Variants in TMTC1 observed in about 807,000 individuals in gnomAD.
TMTC1 encodes the protein transmembrane O-mannosyltransferase targeting cadherins 1, also known as protein O-mannosyl-transferase TMTC1.
TMTC1 carries 73 observed loss-of-function variants against 104.8 expected under a neutral mutation model. The ratio of observed to expected loss-of-function variants is 0.70; its 90% CI spans 0.58 to 0.85. The LOEUF (loss-of-function observed/expected upper bound fraction) is 0.85. TMTC1 is among the 40% of genes least tolerant of loss of function. TMTC1 has a pLI of 0.00. For missense variants in TMTC1, 1,035 were observed against 1,096.1 expected (o/e 0.94, Z 0.79); for synonymous variants, 434 against 428.7 (o/e 1.01, Z -0.15).
chr12:29,709,032 CAA>C (rs535053762), intron 5 of TMTC1, among the ~76,000 whole-genome samples: 15 of 152,226 alleles, frequency 9.9e-5, no homozygotes, highest in Non-Finnish European at 1.9e-4. Flanking sequence ...GGATATTGAA[CAA>C]GAGTCAAATG....
chr12:29,544,304 C>T (rs1944883709), intron 10 of TMTC1, among the ~76,000 whole-genome samples: 1 of 151,800 alleles, frequency 6.6e-6, no homozygotes, highest in Non-Finnish European at 1.5e-5. Context: ...GCAAAAGTGG[C>T]ACTGGCCTAA....
At chr12:29,592,685 G>C (rs1412421657) in intron 7 of TMTC1, among the ~76,000 whole-genome samples, 1 of 152,148 alleles carries the variant, frequency 6.6e-6, no homozygotes, top group Non-Finnish European at 1.5e-5. Context: ...CCCTGACACT[G>C]TTGTTTGATC....
intron 8 of TMTC1, among the ~76,000 whole-genome samples, chr12:29,581,157 C>G (rs1945968726): frequency 6.6e-6 from 1 of 152,114 alleles, no homozygotes; most frequent in South Asian, 2.1e-4. Context: ...AACTCCATAC[C>G]CTGCACCCAA....
chr12:29,621,336 C>T (rs901173475), intron 6 of TMTC1, among the ~76,000 whole-genome samples: 3 of 152,122 alleles, frequency 2.0e-5, no homozygotes, highest in Admixed American at 6.6e-5. Flanking sequence ...GAGCTAAATG[C>T]AAAATAATTT....
chr12:29,728,895 G>A (rs1942474427), intron 5 of TMTC1, among the ~76,000 whole-genome samples: 1 of 151,054 alleles, frequency 6.6e-6, no homozygotes, highest in African/African-American at 2.4e-5. Context: ...CTACTAGGGA[G>A]GCTGAGGCAG....
intron 10 of TMTC1, among the ~76,000 whole-genome samples, chr12:29,545,085 T>A (rs1944903679): frequency 6.6e-6 from 1 of 152,076 alleles, no homozygotes; most frequent in Admixed American, 6.5e-5. Flanking sequence ...CTCCACTTGC[T>A]CCTTTCTCCT....
intron 10 of TMTC1, among the ~76,000 whole-genome samples, chr12:29,539,000 T>C (rs1467263349): frequency 1.3e-5 from 2 of 152,196 alleles, no homozygotes; most frequent in East Asian, 3.9e-4. Flanking sequence ...GATTTTTAAA[T>C]TCTTCTTAAA....
chr12:29,637,085 A>AAC (rs200543052), intron 5 of TMTC1, among the ~76,000 whole-genome samples: 1,144 of 47,666 alleles, frequency 0.024, 14 homozygotes, highest in African/African-American at 0.044. Flanking sequence ...CAAAATGAGA[A>AAC]ACACACACAC....
chr12:29,502,284 A>G lies in TMTC1; in HGVS notation c.*4562T>C, dbSNP rs145808408. The G allele has an allele frequency of 1.3e-5, 2 of 152,132 alleles. No homozygotes were observed. Among genetic ancestry groups the G allele is most frequent in the East Asian group, 3.9e-4 (2 of 5,172 alleles). The allele number at this position is 152,132 out of a possible 1,614,324, so 9.4% of individuals were successfully genotyped here. A position where few individuals can be genotyped will look rare whatever the true frequency, so the allele number is the denominator to read the frequency against. ...ATTTGTTTTGAATGTCATTCCTAAT[A>G]TCCTCTAAATTTATTATTTTAAGAA... is the stretch of plus-strand genomic sequence containing the variant. On this transcript the variant is annotated 3_prime_UTR_variant, in exon 18 of 18. Transcript: ENST00000539277.
intron 5 of TMTC1, among the ~76,000 whole-genome samples, chr12:29,644,379 G>T (rs1180018459): frequency 1.3e-5 from 2 of 151,448 alleles, no homozygotes; most frequent in African/African-American, 4.9e-5. Context: ...TGTGAGAGGG[G>T]CGAGGGATAA....
At chr12:29,621,928 T>G (rs1937694316) in intron 6 of TMTC1, among the ~76,000 whole-genome samples, 1 of 152,160 alleles carries the variant, frequency 6.6e-6, no homozygotes, top group South Asian at 2.1e-4. Flanking sequence ...CCAGTCAGGT[T>G]GCAGATTTTT....
chr12:29,642,785 C>T (rs1458199624), intron 5 of TMTC1, among the ~76,000 whole-genome samples: 1 of 151,866 alleles, frequency 6.6e-6, no homozygotes, highest in Non-Finnish European at 1.5e-5. Flanking sequence ...ATTAGCCGGG[C>T]GTGGTGGCGG....
At chr12:29,746,321 G>A (rs1449179385) in intron 5 of TMTC1, among the ~76,000 whole-genome samples, 1 of 152,140 alleles carries the variant, frequency 6.6e-6, no homozygotes, top group Non-Finnish European at 1.5e-5. Flanking sequence ...TGAATATGAT[G>A]TATAAAGGGG....
At chr12:29,742,330 T>A (rs542871719) in intron 5 of TMTC1, among the ~76,000 whole-genome samples, 2 of 152,182 alleles carry the variant, frequency 1.3e-5, no homozygotes, top group Non-Finnish European at 2.9e-5. Flanking sequence ...TATACTTATG[T>A]TTATTTTAAA....
At chr12:29,549,887 A>G (rs935471767) in intron 10 of TMTC1, among the ~76,000 whole-genome samples, 3 of 152,164 alleles carry the variant, frequency 2.0e-5, no homozygotes, top group African/African-American at 7.2e-5. Flanking sequence ...CCATGTAGGG[A>G]TCCCATTCAA....
intron 10 of TMTC1, among the ~76,000 whole-genome samples, chr12:29,542,607 G>A (rs1006257438): frequency 2.0e-5 from 3 of 151,910 alleles, no homozygotes; most frequent in Non-Finnish European, 4.4e-5. Flanking sequence ...GTCTTGGTGG[G>A]GCCCAGGAAT....
At chr12:29,676,516 A>G (rs1321965899) in intron 5 of TMTC1, among the ~76,000 whole-genome samples, 1 of 152,208 alleles carries the variant, frequency 6.6e-6, no homozygotes, top group Non-Finnish European at 1.5e-5. Flanking sequence ...ACTCCAGAGC[A>G]TATATTTTGA....
At position 29,631,272 on chromosome 12, in the gene TMTC1, C is replaced by T. The variant is rs76550590; in HGVS notation, c.1128+1875G>A. ...TTAATTTTGATGATGTCCAATTTAT[C>T]AACTTTTTCTTTTACAGTTTTCACA... On this transcript the variant is annotated intron_variant, in intron 6 of 17. Transcript: ENST00000539277. Among the ~76,000 whole-genome samples the T allele has an allele frequency of 1.4e-3, 208 of 152,214 alleles. 1 individual carries two copies. In the East Asian group the frequency reaches 0.022, roughly 16 times the overall value.
chr12:29,517,961 C>T (rs896020617), intron 13 of TMTC1, among the ~76,000 whole-genome samples: 5 of 152,214 alleles, frequency 3.3e-5, no homozygotes, highest in South Asian at 2.1e-4. Flanking sequence ...GTGATTCGAC[C>T]ATCTTGGCCT....
Sources: allele counts gnomAD v4.1 joint callset (sites outside exome capture counted in the v4.1 genomes callset), GRCh38; gene constraint gnomAD v4.1.1; transcripts MANE v1.5; gene names NCBI Gene and HGNC (gene_info 2026-07-23, HGNC 2026-07-21).